The following TMEM132D variants were observed in gnomAD, a reference collection of about 807,000 sequenced individuals.
TMEM132D encodes the protein transmembrane protein 132D, also known as mature OL transmembrane protein.
In TMEM132D, 21 loss-of-function variants were observed where a neutral mutation model predicts 62.3. The ratio of observed to expected loss-of-function variants is 0.34; its 90% CI spans 0.24 to 0.49. The LOEUF (loss-of-function observed/expected upper bound fraction) is 0.49, where lower values mean the gene tolerates loss of function less well. TMEM132D is among the 20% of genes least tolerant of loss of function. The pLI, the probability that TMEM132D is intolerant of heterozygous loss-of-function variation, is 0.99. For synonymous variants in TMEM132D, 621 were observed against 575.6 expected (o/e 1.08, Z -1.13); for missense variants, 1,346 against 1,402.8 (o/e 0.96, Z 0.65).
At chr12:129,872,308 CCAGTTTACA>C (rs767906174) in intron 1 of TMEM132D, among the ~76,000 whole-genome samples, 9 of 152,144 alleles carry the variant, frequency 5.9e-5, no homozygotes, top group Non-Finnish European at 1.2e-4. Flanking sequence ...AACTCCTAAT[CCAGTTTACA>C]CAGGGGGAGG....
intron 3 of TMEM132D, among the ~76,000 whole-genome samples, chr12:129,434,817 G>A (rs1872746698): frequency 6.6e-6 from 1 of 152,086 alleles, no homozygotes; most frequent in Admixed American, 6.5e-5. Context: ...TCTTTGGTGA[G>A]AACATTCAAA....
At chr12:129,545,335 G>A (rs1021877207) in intron 2 of TMEM132D, among the ~76,000 whole-genome samples, 2 of 152,130 alleles carry the variant, frequency 1.3e-5, no homozygotes, top group African/African-American at 4.8e-5. Flanking sequence ...TGTTACAGGA[G>A]ACATCCAGTT....
intron 1 of TMEM132D, among the ~76,000 whole-genome samples, chr12:129,795,738 G>T (rs1462784168): frequency 2.0e-5 from 3 of 152,190 alleles, no homozygotes; most frequent in Admixed American, 6.5e-5. Flanking sequence ...ACATCTAGAG[G>T]TCTCCTTTAC....
intron 4 of TMEM132D, among the ~76,000 whole-genome samples, chr12:129,278,669 C>G (rs1881061624): frequency 6.6e-6 from 1 of 152,126 alleles, no homozygotes; most frequent in African/African-American, 2.4e-5. Context: ...GGCTTTGGCT[C>G]TGGGAGGAAT....
rs548387281 is a variant in TMEM132D, at chr12:129,085,041, TCA to T, written c.1444-341_1444-340del. The T allele has an allele frequency of 3.9e-4, 169 of 431,604 alleles. 1 individual carries two copies. Among genetic ancestry groups the T allele is most frequent in the Admixed American group, 8.5e-4 (21 of 24,710 alleles). The allele number at this position is 431,604 out of a possible 1,614,324, so 26.7% of individuals were successfully genotyped here. ...CCTTAGGTGAGTGGAGCTGTGTCCC[TCA>T]GAGTTACCCGGGAGTTATGTCCTGC... On this transcript the variant is annotated intron_variant, in intron 5 of 8. Transcript: ENST00000422113.
At chr12:129,080,955 C>A (rs1034068366) in intron 7 of TMEM132D, among the ~76,000 whole-genome samples, 33 of 152,186 alleles carry the variant, frequency 2.2e-4, no homozygotes, top group Non-Finnish European at 3.2e-4. Context: ...GAGGCACAAT[C>A]ACTTCACTTC....
At position 129,753,260 on chromosome 12, in the gene TMEM132D, C is replaced by T. The variant is rs185462189; in HGVS notation, c.80-52562G>A. Among the ~76,000 whole-genome samples, 69 of 152,138 alleles carry T rather than the reference C, an allele frequency of 4.5e-4. No individual in the cohort carries two copies. In the South Asian group the frequency reaches 0.012, roughly 27 times the overall value. On this transcript the variant is annotated intron_variant, in intron 1 of 8. Coordinates refer to ENST00000422113, the MANE Select transcript of TMEM132D (RefSeq NM_133448.3). Reference sequence around the variant, plus strand: ...CCTCCTGGAGTGAAGGCCTCATGGGCGATATTCTTCATCATTGTCCAAAAA... The same window carrying T: ...CCTCCTGGAGTGAAGGCCTCATGGGTGATATTCTTCATCATTGTCCAAAAA...
chr12:129,549,820 G>A (rs772689614), intron 2 of TMEM132D, among the ~76,000 whole-genome samples: 4 of 152,172 alleles, frequency 2.6e-5, no homozygotes, highest in South Asian at 2.1e-4. Context: ...CCTTGTGACC[G>A]TAAATGTTCT....
chr12:129,902,320 G>A (rs1164725008), intron 1 of TMEM132D, among the ~76,000 whole-genome samples: 8 of 152,158 alleles, frequency 5.3e-5, no homozygotes, highest in Admixed American at 5.2e-4. Context: ...CTTGCAGCAC[G>A]TATTAGAGAC....
intron 4 of TMEM132D, among the ~76,000 whole-genome samples, chr12:129,268,629 A>G (rs1880762768): frequency 6.6e-6 from 1 of 152,184 alleles, no homozygotes. Context: ...CAGTGTGGCG[A>G]TTCCTCAAGG....
chr12:129,491,090 T>C (rs2137060281), intron 3 of TMEM132D, among the ~76,000 whole-genome samples: 1 of 152,236 alleles, frequency 6.6e-6, no homozygotes, highest in East Asian at 1.9e-4. Flanking sequence ...CTTGATACAA[T>C]GGAGCCTCTT....
intron 1 of TMEM132D, among the ~76,000 whole-genome samples, chr12:129,810,239 C>T (rs1421202130): frequency 2.0e-5 from 3 of 151,836 alleles, no homozygotes; most frequent in East Asian, 1.9e-4. Context: ...AAATGAGCAA[C>T]GTATGAATTT....
chr12:129,620,107 G>A (rs749732289), intron 2 of TMEM132D, among the ~76,000 whole-genome samples: 3 of 152,124 alleles, frequency 2.0e-5, no homozygotes, highest in Admixed American at 1.3e-4. Flanking sequence ...GGCCATCTTC[G>A]ATTCTGCACA....
intron 5 of TMEM132D, among the ~76,000 whole-genome samples, chr12:129,133,356 T>C (rs73416546): frequency 0.018 from 2,738 of 152,280 alleles, 90 homozygotes; most frequent in African/African-American, 0.063. Flanking sequence ...TGTCCATCAG[T>C]AGATGAATGG....
rs142052770 is a variant in TMEM132D at position 129,754,461 on chromosome 12, A to G, written c.80-53763T>C. On this transcript the variant is annotated intron_variant, in intron 1 of 8. Transcript: ENST00000422113. ...AGGAGAGCTGTTACCAAAAGAGTTC[A>G]TGCTCTGAAAGAATCCAGGTTGTGA... 2.8e-3 allele frequency among the ~76,000 whole-genome samples: 423 copies of G among 152,288 alleles called. 1 individual carries two copies. Among genetic ancestry groups the G allele is most frequent in the African/African-American group, 1.0e-2 (415 of 41,566 alleles).
chr12:129,824,378 A>G (rs769887662), intron 1 of TMEM132D, among the ~76,000 whole-genome samples: 3 of 152,114 alleles, frequency 2.0e-5, no homozygotes, highest in Non-Finnish European at 4.4e-5. Context: ...GTTCAACCAT[A>G]TTTTAAGCTA....
At chr12:129,876,178 T>C (rs1874411241) in intron 1 of TMEM132D, among the ~76,000 whole-genome samples, 1 of 151,794 alleles carries the variant, frequency 6.6e-6, no homozygotes, top group African/African-American at 2.4e-5. Context: ...GTGTAGATTC[T>C]TACTACTAAA....
Position 129,074,549 on chromosome 12 carries a change from T to C in TMEM132D, c.2626A>G (p.Ser876Gly). The C allele has an allele frequency of 1.2e-6, 2 of 1,614,046 alleles. No homozygotes were observed. Among genetic ancestry groups the C allele is most frequent in the Non-Finnish European group, 1.7e-6 (2 of 1,180,030 alleles). Residue 876 changes from serine to glycine, a missense_variant, in exon 9 of 9, where the codon AGC (serine) becomes GGC (glycine). By Grantham distance (56) the Ser-to-Gly change is moderately conservative. Transcript: ENST00000422113. ...KGQESLLDDN[S>G]HLQTIPSDLT... ...TCGCTGGGGATGGTCTGCAAGTGGC[T>C]GTTGTCATCTAAAAGGCTTTCCTGG...
intron 3 of TMEM132D, among the ~76,000 whole-genome samples, chr12:129,358,456 G>A (rs1870143776): frequency 6.6e-6 from 1 of 152,166 alleles, no homozygotes; most frequent in South Asian, 2.1e-4. Flanking sequence ...CATTACTTTG[G>A]TAGTTTGAAA....
Sources: allele counts gnomAD v4.1 joint callset (sites outside exome capture counted in the v4.1 genomes callset), GRCh38; gene constraint gnomAD v4.1.1; transcripts MANE v1.5; gene names NCBI Gene and HGNC (gene_info 2026-07-23, HGNC 2026-07-21).